Variants in SYNE1 observed in about 807,000 individuals in gnomAD.
SYNE1 encodes the protein nesprin-1.
SYNE1 carries 616 observed loss-of-function variants against 1,111.0 expected under a neutral mutation model. The observed-to-expected ratio is 0.55, with a 90% confidence interval of 0.52 to 0.59. The LOEUF (loss-of-function observed/expected upper bound fraction) is 0.59. SYNE1 is among the 20% of genes least tolerant of loss of function. The probability of loss-of-function intolerance (pLI) is 0.00; values close to 1 mark genes in which losing one functional copy is unlikely to be tolerated. For synonymous variants in SYNE1, 3,855 were observed against 3,825.8 expected (o/e 1.01, Z -0.28); for missense variants, 10,006 against 10,417.0 (o/e 0.96, Z 1.72).
At chr6:152,364,686 G>GAGGAAGGAGGA (rs2097022658) in intron 63 of SYNE1, among the ~76,000 whole-genome samples, 161 bp downstream of exon 63, 11 of 108,066 alleles carry the variant, frequency 1.0e-4, no homozygotes, top group African/African-American at 3.4e-4. Context: ...AAGGAGGAAG[G>GAGGAAGGAGGA]AGGAAGGAAG....
chr6:152,318,186 C>T lies in SYNE1; in HGVS notation c.16467G>A (p.Gln5489=). 2 of 1,614,152 alleles carry T rather than the reference C, an allele frequency of 1.2e-6. No individual in the cohort carries two copies. The highest frequency in any genetic ancestry group is 1.7e-6 in the Non-Finnish European group (2 of 1,180,036). ...CCAGTGGCTTACCCAGTTGGCCATTCTGTTCCAAGAATTTCTGTACTGCTG... is the reference window on the plus strand; with the variant it reads ...CCAGTGGCTTACCCAGTTGGCCATTTTGTTCCAAGAATTTCTGTACTGCTG... ...LDAAVQKFLE[Q]NGQLGKPLAK... The change falls in exon 86 of 146, where the codon CAG becomes CAA. Residue 5489 remains glutamine (Q), a synonymous_variant. Coordinates refer to ENST00000367255, the MANE Select transcript of SYNE1 (RefSeq NM_182961.4).
chr6:152,553,995 G>T (rs961233740), intron 3 of SYNE1, among the ~76,000 whole-genome samples: 2 of 152,056 alleles, frequency 1.3e-5, no homozygotes, highest in South Asian at 2.1e-4. Flanking sequence ...GCTGGATATG[G>T]GGTGGCCCTG....
chr6:152,480,465 G>A (rs2098883919), intron 14 of SYNE1, among the ~76,000 whole-genome samples: 3 of 152,188 alleles, frequency 2.0e-5, no homozygotes, highest in Non-Finnish European at 2.9e-5. Context: ...AGGTTGCAAT[G>A]AGCCAAGATC....
intron 21 of SYNE1, 101 bp from the exon 22 acceptor site, chr6:152,459,031 T>A: frequency 1.0e-6 from 1 of 993,854 alleles, no homozygotes; most frequent in Non-Finnish European, 1.6e-6. Context: ...AGTGACATGA[T>A]CATTTGGTGC....
intron 48 of SYNE1, 124 bp from the exon 49 acceptor site, chr6:152,398,855 C>T (rs1183463914): frequency 1.4e-5 from 9 of 660,818 alleles, no homozygotes; most frequent in Non-Finnish European, 2.4e-5. Flanking sequence ...TCTTGCCTTA[C>T]AAAATATTCC....
intron 87 of SYNE1, among the ~76,000 whole-genome samples, chr6:152,313,994 C>A (rs1255295209): frequency 6.6e-6 from 1 of 152,172 alleles, no homozygotes; most frequent in African/African-American, 2.4e-5. Flanking sequence ...TCTCTTTCAC[C>A]CAATTCAGTC....
intron 28 of SYNE1, among the ~76,000 whole-genome samples, chr6:152,448,622 G>A (rs2098616228): frequency 6.6e-6 from 1 of 152,058 alleles, no homozygotes; most frequent in Non-Finnish European, 1.5e-5. Context: ...AGGGCGGATC[G>A]CTTGAGCCCA....
At position 152,597,670 on chromosome 6, in the gene SYNE1, G is replaced by C. The variant is rs571924999; in HGVS notation, c.67+30595C>G. On this transcript the variant is annotated intron_variant, in intron 3 of 145. Transcript: ENST00000367255. ...ACCATGTGACTATTATACAATTATA[G>C]ACTGCATGTCCACTGAAGAAACAGC... Among the ~76,000 whole-genome samples the C allele has an allele frequency of 3.9e-5, 6 of 152,226 alleles. No individual in the cohort carries two copies. The South Asian group carries it at 1.2e-3, about 32-fold the overall frequency.
intron 115 of SYNE1, among the ~76,000 whole-genome samples, chr6:152,229,723 G>C (rs1436206747): frequency 2.0e-5 from 3 of 152,072 alleles, no homozygotes; most frequent in South Asian, 2.1e-4. Flanking sequence ...TTCTGCGACA[G>C]GTTATGGTCT....
chr6:152,510,214 C>T lies in SYNE1; in HGVS notation c.560G>A (p.Trp187Ter). ...TTACTTGCCAGCTGTGTACTGAACCCACTTTAATAAAGCCTTCTTAGCATT... is the reference window on the plus strand; with the variant it reads ...TTACTTGCCAGCTGTGTACTGAACCTACTTTAATAAAGCCTTCTTAGCATT... ...QGNAKKALLK[W>*]VQYTAGKQTG... Residue 187 changes from tryptophan (W) to a stop codon, truncating the protein, a stop_gained, in exon 8 of 146, where the codon TGG becomes TAG. Coordinates refer to ENST00000367255, the MANE Select transcript of SYNE1 (RefSeq NM_182961.4). LOFTEE classifies it high-confidence loss of function. 1 of 1,613,986 alleles carries T rather than the reference C, an allele frequency of 6.2e-7. No individual in the cohort carries two copies. The highest frequency in any genetic ancestry group is 8.5e-7 in the Non-Finnish European group (1 of 1,179,948).
intron 104 of SYNE1, among the ~76,000 whole-genome samples, chr6:152,253,552 ACTGTTAG>A (rs1440979013): frequency 3.3e-4 from 50 of 152,330 alleles, no homozygotes; most frequent in African/African-American, 1.0e-3. Context: ...TTGAACCCAG[ACTGTTAG>A]CTTTGGAGAC....
intron 12 of SYNE1, among the ~76,000 whole-genome samples, chr6:152,488,184 A>T (rs1269672120): frequency 6.6e-6 from 1 of 152,234 alleles, no homozygotes; most frequent in Non-Finnish European, 1.5e-5. Flanking sequence ...AGTGCTCCAT[A>T]TATAGTGTGG....
intron 3 of SYNE1, among the ~76,000 whole-genome samples, chr6:152,598,387 C>G (rs1040534875): frequency 6.6e-6 from 1 of 152,176 alleles, no homozygotes; most frequent in Non-Finnish European, 1.5e-5. Flanking sequence ...CCCGTTAAAC[C>G]TCTTTCTTTT....
chr6:152,274,249 A>G (rs1409342687), intron 98 of SYNE1, among the ~76,000 whole-genome samples: 1 of 152,204 alleles, frequency 6.6e-6, no homozygotes, highest in Non-Finnish European at 1.5e-5. Context: ...AAGTGTGTAA[A>G]TCCAAGTGAA....
At chr6:152,489,459 T>A (rs2098958568) in intron 11 of SYNE1, among the ~76,000 whole-genome samples, 1 of 145,902 alleles carries the variant, frequency 6.9e-6, no homozygotes, top group South Asian at 2.1e-4. Flanking sequence ...TGGTGTGTCT[T>A]TTTTTTTTTT....
rs1341043300 is a variant in SYNE1, at chr6:152,381,309, C to T, written c.8706G>A (p.Ser2902=). The change falls in exon 56 of 146, where the codon TCG becomes TCA. Residue 2902 remains serine (S), a synonymous_variant. Transcript: ENST00000367255. ...TGTTCTGTTTCACTTCGGGAGCCAG[C>T]GACTCCACTCTGCTGAGACGGCTTG... ...IGASRLSRVE[S]LAPEVKQNTT... 1.2e-6 allele frequency: 2 copies of T among 1,613,954 alleles called. No individual in the cohort carries two copies. Among genetic ancestry groups the T allele is most frequent in the Admixed American group, 1.7e-5 (1 of 60,002 alleles).
At chr6:152,167,205 A>G (rs1213300523) in intron 130 of SYNE1, among the ~76,000 whole-genome samples, 2 of 152,222 alleles carry the variant, frequency 1.3e-5, no homozygotes, top group Admixed American at 6.5e-5. Context: ...CCAAATGTCC[A>G]GCTTCTTAAC....
chr6:152,608,950 A>AT (rs2099623605), intron 3 of SYNE1, among the ~76,000 whole-genome samples: 1 of 70,434 alleles, frequency 1.4e-5, no homozygotes, highest in Admixed American at 1.2e-4. Flanking sequence ...AAAAAATAAA[A>AT]AAAAATCAGA....
At chr6:152,388,415 T>C (rs930162100) in intron 53 of SYNE1, among the ~76,000 whole-genome samples, 1 of 152,146 alleles carries the variant, frequency 6.6e-6, no homozygotes, top group Admixed American at 6.6e-5. Flanking sequence ...GCCTGGCTAA[T>C]TTTTATATTT....
Sources: allele counts gnomAD v4.1 joint callset (sites outside exome capture counted in the v4.1 genomes callset), GRCh38; gene constraint gnomAD v4.1.1; transcripts MANE v1.5; gene names NCBI Gene and HGNC (gene_info 2026-07-23, HGNC 2026-07-21).